Variants in TRPM3 observed in about 807,000 individuals in gnomAD.
TRPM3 encodes the protein long transient receptor potential channel 3.
In TRPM3, 77 loss-of-function variants were observed where a neutral mutation model predicts 181.2. The observed-to-expected ratio is 0.42, with a 90% CI of 0.35 to 0.51. The LOEUF is 0.51. Ranked by LOEUF, TRPM3 falls within the 20% of genes least tolerant of loss-of-function variation. TRPM3 has a pLI of 0.01. For missense variants in TRPM3, 1,759 were observed against 2,196.7 expected (o/e 0.80, Z 3.98); for synonymous variants, 745 against 796.4 (o/e 0.94, Z 1.09).
At chr9:71,443,572 C>T (rs1348443543) in intron 1 of TRPM3, among the ~76,000 whole-genome samples, 2 of 152,114 alleles carry the variant, frequency 1.3e-5, no homozygotes, top group Admixed American at 6.6e-5. Context: ...CTGCCATACT[C>T]CATAAGAGCA....
At chr9:71,427,524 A>T (rs1384289717) in intron 1 of TRPM3, among the ~76,000 whole-genome samples, 1 of 152,206 alleles carries the variant, frequency 6.6e-6, no homozygotes, top group East Asian at 1.9e-4. Context: ...GCCCATCAAC[A>T]GTGGACTGCA....
At chr9:70,976,877 G>T (rs921985034) in intron 1 of TRPM3, among the ~76,000 whole-genome samples, 1 of 152,270 alleles carries the variant, frequency 6.6e-6, no homozygotes, top group Non-Finnish European at 1.5e-5. Flanking sequence ...TGAGAACAAA[G>T]GACACCAGGT....
At chr9:70,756,468 G>A (rs944334428) in intron 8 of TRPM3, among the ~76,000 whole-genome samples, 1 of 152,092 alleles carries the variant, frequency 6.6e-6, no homozygotes, top group African/African-American at 2.4e-5. Flanking sequence ...TTCATGACTT[G>A]AACTCACCTC....
intron 1 of TRPM3, among the ~76,000 whole-genome samples, chr9:71,349,262 T>A (rs1565486971): frequency 1.3e-5 from 2 of 152,200 alleles, no homozygotes; most frequent in African/African-American, 4.8e-5. Context: ...AAATCAGTCT[T>A]TGACTGAGAA....
At chr9:71,167,479 T>C (rs2076596381) in intron 1 of TRPM3, among the ~76,000 whole-genome samples, 1 of 152,136 alleles carries the variant, frequency 6.6e-6, no homozygotes, top group African/African-American at 2.4e-5. Flanking sequence ...CACACCCTTC[T>C]GCAAAAAAAC....
At chr9:71,110,894 CAT>C (rs1364448825) in intron 1 of TRPM3, among the ~76,000 whole-genome samples, 1 of 152,114 alleles carries the variant, frequency 6.6e-6, no homozygotes, top group Non-Finnish European at 1.5e-5. Context: ...GCTAATGTCA[CAT>C]AAAAATTTGT....
At chr9:70,594,124 A>AAAAG (rs773138099) in intron 21 of TRPM3, among the ~76,000 whole-genome samples, 2 of 150,534 alleles carry the variant, frequency 1.3e-5, no homozygotes, top group Non-Finnish European at 3.0e-5. Flanking sequence ...CTAAATGTTA[A>AAAAG]AAAGAAAGAA....
At chr9:70,743,988 G>A (rs1222469462) in intron 8 of TRPM3, among the ~76,000 whole-genome samples, 2 of 152,062 alleles carry the variant, frequency 1.3e-5, no homozygotes, top group African/African-American at 2.4e-5. Context: ...AAAATTCTAT[G>A]TGTGTTCATT....
At chr9:70,840,071 C>T (rs755919297) in intron 5 of TRPM3, among the ~76,000 whole-genome samples, 6 of 152,130 alleles carry the variant, frequency 3.9e-5, no homozygotes, top group Admixed American at 6.6e-5. Flanking sequence ...CTTTTAATGG[C>T]AACCTAACAT....
intron 1 of TRPM3, among the ~76,000 whole-genome samples, chr9:71,033,442 A>G (rs2057791311): frequency 6.6e-6 from 1 of 152,250 alleles, no homozygotes; most frequent in African/African-American, 2.4e-5. Context: ...CCTATGGTAT[A>G]TTTCTGGTCA....
At chr9:70,761,081 C>T (rs1241894534) in intron 8 of TRPM3, 1 of 216,972 alleles carries the variant, frequency 4.6e-6, no homozygotes, top group East Asian at 1.2e-4. Context: ...CTGATCATAC[C>T]ACATTTGTAA....
At chr9:70,641,723 A>G (rs1289767714) in intron 9 of TRPM3, among the ~76,000 whole-genome samples, 3 of 152,228 alleles carry the variant, frequency 2.0e-5, no homozygotes, top group Admixed American at 6.5e-5. Flanking sequence ...GAACATTTCT[A>G]TCATCACAGT....
At position 71,059,011 on chromosome 9, in the gene TRPM3, A is replaced by ATTTTTTTTTTTTTTT. The variant is rs1162577364; in HGVS notation, c.177+62152_177+62166dup. ...ATTTCTCTGAAGTTTTTGTTTGTTC[A>ATTTTTTTTTTTTTTT]TTTTTTTTTTTTTTTTTTTTTTTTT... On this transcript the variant is annotated intron_variant, in intron 1 of 25. Transcript: ENST00000677713. Among the ~76,000 whole-genome samples, 25 of 52,640 alleles carry ATTTTTTTTTTTTTTT rather than the reference A, an allele frequency of 4.7e-4. 4 individuals carry two copies. Among genetic ancestry groups the ATTTTTTTTTTTTTTT allele is most frequent in the East Asian group, 7.1e-4 (1 of 1,416 alleles). 34.5% of individuals were successfully genotyped at this position (52,640 alleles called of 152,430 possible).
chr9:70,783,731 C>A, intron 7 of TRPM3: 1 of 564,532 alleles, frequency 1.8e-6, no homozygotes, highest in Non-Finnish European at 2.2e-6. Flanking sequence ...TCTGAAGTTA[C>A]CAACCTGAAC....
At chr9:70,578,075 A>T (rs2054519847) in intron 22 of TRPM3, among the ~76,000 whole-genome samples, 2 of 152,192 alleles carry the variant, frequency 1.3e-5, no homozygotes, top group African/African-American at 4.8e-5. Flanking sequence ...CTCAGGAGAG[A>T]GTCACTGGCC....
At chr9:71,419,639 T>C (rs900671903) in intron 1 of TRPM3, among the ~76,000 whole-genome samples, 3 of 152,004 alleles carry the variant, frequency 2.0e-5, no homozygotes, top group Non-Finnish European at 2.9e-5. Context: ...ACAATCCATA[T>C]GTTTCCTTAG....
intron 1 of TRPM3, among the ~76,000 whole-genome samples, chr9:70,877,999 T>A (rs1181110268): frequency 6.6e-6 from 1 of 152,042 alleles, no homozygotes; most frequent in African/African-American, 2.4e-5. Context: ...TTTACTTTTT[T>A]GAATGCCACA....
At chr9:71,429,794 C>T (rs1026678614) in intron 1 of TRPM3, among the ~76,000 whole-genome samples, 1 of 152,108 alleles carries the variant, frequency 6.6e-6, no homozygotes, top group African/African-American at 2.4e-5. Flanking sequence ...GGGTTCGAAT[C>T]TCTCTCTCCT....
At chr9:71,306,018 C>T (rs113622401) in intron 1 of TRPM3, among the ~76,000 whole-genome samples, 3 of 152,012 alleles carry the variant, frequency 2.0e-5, no homozygotes, top group South Asian at 2.1e-4. Context: ...TTCACATTGA[C>T]GGATCAATTC....
Sources: allele counts gnomAD v4.1 joint callset (sites outside exome capture counted in the v4.1 genomes callset), GRCh38; gene constraint gnomAD v4.1.1; transcripts MANE v1.5; gene names NCBI Gene and HGNC (gene_info 2026-07-23, HGNC 2026-07-21).